The following SNTG1 variants were observed in gnomAD, a reference collection of about 807,000 sequenced individuals.
The protein encoded by SNTG1 is gamma-1-syntrophin.
A neutral mutation model predicts 74.7 loss-of-function variants in SNTG1; 39 were observed. The ratio of observed to expected loss-of-function variants is 0.52; its 90% confidence interval spans 0.40 to 0.68. The LOEUF is 0.68. Among genes scored for constraint, SNTG1 ranks in the 30% least tolerant of loss-of-function variants. SNTG1 has a pLI of 0.00. For missense variants in SNTG1, 685 were observed against 609.5 expected, an observed-to-expected ratio of 1.12 and a Z score of -1.30; for synonymous variants, 254 against 217.1, an observed-to-expected ratio of 1.17 and a Z score of -1.49.
chr8:50,240,917 T>A (rs1167857348), intron 2 of SNTG1, among the ~76,000 whole-genome samples: 1 of 152,220 alleles, frequency 6.6e-6, no homozygotes, highest in African/African-American at 2.4e-5. Flanking sequence ...GATTTATATT[T>A]TTCTGGATTT....
At chr8:49,966,650 C>T (rs1474364096) in intron 1 of SNTG1, among the ~76,000 whole-genome samples, 1 of 152,138 alleles carries the variant, frequency 6.6e-6, no homozygotes, top group Non-Finnish European at 1.5e-5. Flanking sequence ...CCACCTTGGC[C>T]TCCCAAAGTG....
Position 49,912,243 on chromosome 8 carries a change from C to T in SNTG1, c.-103+12C>T, listed in dbSNP as rs1159285169. On this transcript the variant is annotated intron_variant, in intron 1 of 18. Transcript: ENST00000642720. ...TCATTGCTCGGCAGGTAAGTGATAGCGCTATTATTTTTGTTTTTTAAAATT... is the reference window on the plus strand; with the variant it reads ...TCATTGCTCGGCAGGTAAGTGATAGTGCTATTATTTTTGTTTTTTAAAATT... 6.6e-6 allele frequency: 1 copy of T among 152,226 alleles called. No homozygotes were observed. The highest frequency in any genetic ancestry group is 2.1e-4 in the South Asian group (1 of 4,824). The allele number at this position is 152,226 out of a possible 1,614,324, so 9.4% of individuals were successfully genotyped here. A position where few individuals can be genotyped will look rare whatever the true frequency, so the allele number is the denominator to read the frequency against.
chr8:50,507,321 T>C (rs2094015562), intron 9 of SNTG1, among the ~76,000 whole-genome samples: 1 of 152,110 alleles, frequency 6.6e-6, no homozygotes, highest in African/African-American at 2.4e-5. Flanking sequence ...TTGGTTTCAG[T>C]ATCTGGGTAA....
intron 1 of SNTG1, among the ~76,000 whole-genome samples, chr8:50,086,105 G>C (rs6996646): frequency 0.23 from 35,482 of 152,162 alleles, 4,191 homozygotes; most frequent in South Asian, 0.38. Flanking sequence ...ATTTTCTTGA[G>C]GGTTAAAACA....
chr8:50,083,431 G>T (rs1442643598), intron 1 of SNTG1, among the ~76,000 whole-genome samples: 1 of 152,120 alleles, frequency 6.6e-6, no homozygotes, highest in African/African-American at 2.4e-5. Flanking sequence ...AAATTATCTT[G>T]TGATGGATAC....
intron 1 of SNTG1, among the ~76,000 whole-genome samples, chr8:50,114,414 T>C (rs1377498072): frequency 1.3e-5 from 2 of 152,118 alleles, no homozygotes; most frequent in Admixed American, 6.6e-5. Flanking sequence ...CTAAATGAAA[T>C]AAACCTGATT....
At chr8:50,724,924 A>C (rs1008965335) in intron 17 of SNTG1, among the ~76,000 whole-genome samples, 6 of 152,204 alleles carry the variant, frequency 3.9e-5, no homozygotes, top group African/African-American at 1.2e-4. Flanking sequence ...TGGAAAAAAC[A>C]GTTATTAGAG....
chr8:50,604,223 A>C (rs1172403247), intron 13 of SNTG1, among the ~76,000 whole-genome samples: 2 of 152,110 alleles, frequency 1.3e-5, no homozygotes, highest in Non-Finnish European at 2.9e-5. Context: ...GTTTGAGATC[A>C]TCCTGGGCAC....
At chr8:50,785,355 G>T (rs2095671769) in intron 18 of SNTG1, among the ~76,000 whole-genome samples, 1 of 151,510 alleles carries the variant, frequency 6.6e-6, no homozygotes, top group South Asian at 2.1e-4. Context: ...ATAAAAGAAG[G>T]TATATTTTAG....
intron 1 of SNTG1, among the ~76,000 whole-genome samples, chr8:50,169,152 A>G (rs1679425778): frequency 6.6e-6 from 1 of 152,112 alleles, no homozygotes; most frequent in Admixed American, 6.6e-5. Context: ...CCTCAGTGAT[A>G]TTTGTGTTTC....
rs528637821 is a variant in SNTG1 at position 50,460,581 on chromosome 8, T to A, written c.363+9852T>A. ...CCCAAAGCCGATGTCCAAAATGGTA[T>A]TTTCTAGGTTTTCTTCTAGGATACT... On this transcript the variant is annotated intron_variant, in intron 8 of 18. Coordinates refer to ENST00000642720, the MANE Select transcript of SNTG1 (RefSeq NM_018967.5). Among the ~76,000 whole-genome samples the A allele has an allele frequency of 4.5e-4, 68 of 152,334 alleles. No individual in the cohort carries two copies. The Middle Eastern group carries it at 0.017, about 38-fold the overall frequency.
rs114903136 is a variant in SNTG1, at chr8:50,413,517, C to T, written c.162+11173C>T. Among the ~76,000 whole-genome samples the T allele has an allele frequency of 2.0e-3, 298 of 152,300 alleles. 1 individual carries two copies. The highest frequency in any genetic ancestry group is 0.016 in the East Asian group (81 of 5,180). On this transcript the variant is annotated intron_variant, in intron 4 of 18. Coordinates refer to ENST00000642720, the MANE Select transcript of SNTG1 (RefSeq NM_018967.5). ...AGATTTCAGAATCCATGCCCATCCA[C>T]GCCCCATGGTAATCTGCTGTGTCAC...
intron 17 of SNTG1, among the ~76,000 whole-genome samples, chr8:50,736,056 C>T (rs1216927903): frequency 6.6e-6 from 1 of 151,796 alleles, no homozygotes; most frequent in Non-Finnish European, 1.5e-5. Context: ...AAATCTTTTA[C>T]AAACAAGCAA....
At chr8:50,402,158 C>T in intron 3 of SNTG1, 52 bp from the exon 4 acceptor site, 1 of 1,561,262 alleles carries the variant, frequency 6.4e-7, no homozygotes, top group Non-Finnish European at 8.6e-7. Context: ...AAATTACAAC[C>T]TATAAACTAA....
chr8:50,431,200 A>G (rs1033679741), intron 4 of SNTG1, among the ~76,000 whole-genome samples: 2 of 152,198 alleles, frequency 1.3e-5, no homozygotes, highest in African/African-American at 2.4e-5. Flanking sequence ...GGGCTTTGAC[A>G]ATGTATAATG....
intron 9 of SNTG1, among the ~76,000 whole-genome samples, chr8:50,504,906 A>G (rs2093993638): frequency 6.6e-6 from 1 of 152,208 alleles, no homozygotes; most frequent in African/African-American, 2.4e-5. Context: ...GAGTAGCCTT[A>G]AGTCTATGTA....
chr8:49,927,762 T>A (rs1807158289), intron 1 of SNTG1, among the ~76,000 whole-genome samples: 2 of 152,004 alleles, frequency 1.3e-5, no homozygotes, highest in Admixed American at 6.6e-5. Flanking sequence ...TGGACAAAAG[T>A]CATTATATGT....
chr8:50,205,528 T>C (rs1341775442), intron 2 of SNTG1, among the ~76,000 whole-genome samples: 2 of 152,212 alleles, frequency 1.3e-5, no homozygotes, highest in Non-Finnish European at 2.9e-5. Context: ...AGGGTGCCTG[T>C]TCACGCTGAT....
intron 15 of SNTG1, among the ~76,000 whole-genome samples, chr8:50,688,374 GT>G (rs1458747056): frequency 1.3e-5 from 2 of 152,118 alleles, no homozygotes; most frequent in Admixed American, 1.3e-4. Context: ...TTCTTCTAGG[GT>G]TTTTATGGTT....
Sources: gnomAD v4.1 joint callset for allele counts (sites outside exome capture counted in the v4.1 genomes callset) on GRCh38, gnomAD v4.1.1 for gene constraint, MANE v1.5 for transcripts, NCBI Gene and HGNC (gene_info 2026-07-23, HGNC 2026-07-21) for gene names.